The following TSHZ3 variants were observed in gnomAD, a reference collection of about 807,000 sequenced individuals.
TSHZ3 encodes the protein teashirt zinc finger homeobox 3.
A neutral mutation model predicts 64.5 loss-of-function variants in TSHZ3; 10 were observed. The ratio of observed to expected loss-of-function variants is 0.16; its 90% confidence interval spans 0.10 to 0.26. The LOEUF (loss-of-function observed/expected upper bound fraction) is 0.26, where lower values mean the gene tolerates loss of function less well. TSHZ3 is among the 10% of genes least tolerant of loss of function. The pLI is 1.00. For missense variants in TSHZ3, 1,242 were observed against 1,421.7 expected (o/e 0.87, Z 2.03); for synonymous variants, 608 against 593.1 (o/e 1.03, Z -0.36).
chr19:31,349,346 G>C lies in TSHZ3; in HGVS notation c.-127C>G. The C allele has an allele frequency of 4.6e-6, 4 of 878,316 alleles. No individual in the cohort carries two copies. Among genetic ancestry groups the C allele is most frequent in the Non-Finnish European group, 6.3e-6 (4 of 637,102 alleles). The allele number at this position is 878,316 out of a possible 1,614,324, so 54.4% of individuals were successfully genotyped here. ...GCTCTCAGCCTCCCCCCCGGAGAGC[G>C]GCCGCCCGCAGGATGCTGCTGCGCC... is the stretch of plus-strand genomic sequence containing the variant. On this transcript the variant is annotated 5_prime_UTR_variant, in exon 1 of 2. Coordinates refer to ENST00000240587, the MANE Select transcript of TSHZ3 (RefSeq NM_020856.4).
rs185658845 is a variant in TSHZ3 at position 31,190,182 on chromosome 19, C to T, written n.809+14774G>A. 5.7e-4 allele frequency among the ~76,000 whole-genome samples: 86 copies of T among 152,182 alleles called. 2 individuals carry two copies. The highest frequency in any genetic ancestry group is 1.9e-3 in the African/African-American group (81 of 41,546). On this transcript the variant is annotated intron_variant and non_coding_transcript_variant, in intron 5 of 6. Coordinates refer to the TSHZ3 transcript ENST00000651361. The stretch of plus-strand genomic sequence containing the variant: ...AATGGCTGGAACTTAAAAGACAGGT[C>T]ATTAAAGAGGAACTTCACAGGGAAG...
At chr19:31,229,948 A>G (rs1975517138) in intron 3 of TSHZ3, among the ~76,000 whole-genome samples, 1 of 152,218 alleles carries the variant, frequency 6.6e-6, no homozygotes, top group Non-Finnish European at 1.5e-5. Context: ...ACAGATTGCT[A>G]GGATGATCCT....
At chr19:31,190,222 T>C (rs1057487818) in intron 5 of TSHZ3, among the ~76,000 whole-genome samples, 2 of 152,148 alleles carry the variant, frequency 1.3e-5, no homozygotes, top group Non-Finnish European at 2.9e-5. Flanking sequence ...CCAAGCAATC[T>C]ACGTAGATGT....
chr19:31,290,400 G>A (rs1976543058), intron 1 of TSHZ3, among the ~76,000 whole-genome samples: 1 of 152,130 alleles, frequency 6.6e-6, no homozygotes, highest in Admixed American at 6.5e-5. Context: ...GGAGATGGCA[G>A]GGGGAAGTGT....
intron 1 of TSHZ3, among the ~76,000 whole-genome samples, chr19:31,325,471 G>C (rs1916906210): frequency 6.6e-6 from 1 of 152,178 alleles, no homozygotes; most frequent in Non-Finnish European, 1.5e-5. Flanking sequence ...ATGCATGGAG[G>C]CTTCTGGGTG....
intron 1 of TSHZ3, among the ~76,000 whole-genome samples, chr19:31,257,282 C>T (rs1248619538): frequency 6.6e-6 from 1 of 152,200 alleles, no homozygotes; most frequent in Admixed American, 6.5e-5. Context: ...GCCCAGACAC[C>T]AGCCCCAGAG....
intron 1 of TSHZ3, among the ~76,000 whole-genome samples, chr19:31,342,966 G>A (rs780040318): frequency 6.6e-6 from 1 of 152,186 alleles, no homozygotes; most frequent in Non-Finnish European, 1.5e-5. Flanking sequence ...TTAGGCTTGC[G>A]TTTTTAAAAA....
chr19:31,152,024 A>G (rs1974246617), intron 6 of TSHZ3, among the ~76,000 whole-genome samples: 1 of 152,186 alleles, frequency 6.6e-6, no homozygotes, highest in African/African-American at 2.4e-5. Flanking sequence ...TGTGCATACA[A>G]TTATCACTTA....
At chr19:31,239,758 C>A (rs940447139) in intron 3 of TSHZ3, among the ~76,000 whole-genome samples, 3 of 146,362 alleles carry the variant, frequency 2.0e-5, no homozygotes. Flanking sequence ...TAAAAAAAAA[C>A]AAATTGTGGA....
intron 5 of TSHZ3, among the ~76,000 whole-genome samples, chr19:31,200,275 T>C (rs1216024931): frequency 6.6e-6 from 1 of 151,938 alleles, no homozygotes; most frequent in Non-Finnish European, 1.5e-5. Flanking sequence ...CACATGGATA[T>C]GTATAGCAGC....
chr19:31,266,540 C>T (rs1364719299), intron 1 of TSHZ3, among the ~76,000 whole-genome samples: 1 of 152,108 alleles, frequency 6.6e-6, no homozygotes, highest in East Asian at 1.9e-4. Flanking sequence ...CACAAAGATT[C>T]ACCTACGAGC....
intron 1 of TSHZ3, among the ~76,000 whole-genome samples, chr19:31,245,033 G>A (rs1975742790): frequency 6.6e-6 from 1 of 152,202 alleles, no homozygotes; most frequent in South Asian, 2.1e-4. Context: ...TGTTATGTAT[G>A]TATAAAGTAT....
chr19:31,200,020 C>A (rs1008082071), intron 5 of TSHZ3, among the ~76,000 whole-genome samples: 1 of 151,632 alleles, frequency 6.6e-6, no homozygotes, highest in African/African-American at 2.4e-5. Flanking sequence ...CAATTACATA[C>A]CTCTATATAC....
At chr19:31,294,942 T>C (rs1395030895) in intron 1 of TSHZ3, among the ~76,000 whole-genome samples, 1 of 151,958 alleles carries the variant, frequency 6.6e-6, no homozygotes, top group Non-Finnish European at 1.5e-5. Flanking sequence ...TTTTGTAGTA[T>C]ATATCAAAAT....
At chr19:31,158,954 C>T (rs1243127723) in intron 5 of TSHZ3, among the ~76,000 whole-genome samples, 1 of 152,172 alleles carries the variant, frequency 6.6e-6, no homozygotes, top group East Asian at 1.9e-4. Context: ...ACTCCTTCTC[C>T]CATGGCACCA....
chr19:31,348,959 C>T, intron 1 of TSHZ3: 1 of 548,246 alleles, frequency 1.8e-6, no homozygotes, highest in East Asian at 3.5e-5. Flanking sequence ...CGAGCGGCTC[C>T]CCAAATGGGT....
intron 5 of TSHZ3, among the ~76,000 whole-genome samples, chr19:31,201,332 T>A (rs559355808): frequency 6.6e-6 from 1 of 152,124 alleles, no homozygotes; most frequent in Non-Finnish European, 1.5e-5. Flanking sequence ...GTTGATTAAA[T>A]GTTCATGTTA....
At chr19:31,188,115 C>T (rs956583160) in intron 5 of TSHZ3, among the ~76,000 whole-genome samples, 1 of 151,482 alleles carries the variant, frequency 6.6e-6, no homozygotes, top group South Asian at 2.1e-4. Context: ...AGTATAGAAG[C>T]CATACATATA....
intron 5 of TSHZ3, among the ~76,000 whole-genome samples, chr19:31,182,943 C>T (rs937372831): frequency 3.9e-5 from 6 of 152,144 alleles, no homozygotes; most frequent in African/African-American, 1.4e-4. Flanking sequence ...ACATTTAAAT[C>T]ATTAGATTTA....
Sources: allele counts gnomAD v4.1 joint callset (sites outside exome capture counted in the v4.1 genomes callset), GRCh38; gene constraint gnomAD v4.1.1; transcripts MANE v1.5; gene names NCBI Gene and HGNC (gene_info 2026-07-23, HGNC 2026-07-21).